Variants in CASC3 observed in about 807,000 individuals in gnomAD.
CASC3 encodes CASC3 exon junction complex subunit.
In CASC3, 30 loss-of-function variants were observed where a neutral mutation model predicts 80.5. The ratio of observed to expected loss-of-function variants is 0.37; its 90% CI spans 0.28 to 0.51. The LOEUF is 0.51. Among genes scored for constraint, CASC3 ranks in the 20% least tolerant of loss-of-function variants. CASC3 has a pLI of 0.94. For missense variants in CASC3, 824 were observed against 922.2 expected, an observed-to-expected ratio of 0.89 and a Z score of 1.38; for synonymous variants, 312 against 333.6, an observed-to-expected ratio of 0.94 and a Z score of 0.70.
chr17:40,162,073 G>A lies in CASC3; in HGVS notation c.528G>A (p.Arg176=). The change falls in exon 5 of 14, where the codon CGG becomes CGA. Residue 176 remains arginine, a synonymous_variant. Coordinates refer to ENST00000264645, the MANE Select transcript of CASC3 (RefSeq NM_007359.5). The part of the protein sequence containing the change: ...GPKHLDDDED[R]KNPAYIPRKG... Reference sequence around the variant, plus strand: ...AGCATTTGGATGATGATGAAGATCGGAAGAATCCAGCATACATACCTCGGA... The same window carrying A: ...AGCATTTGGATGATGATGAAGATCGAAAGAATCCAGCATACATACCTCGGA... 6.2e-7 allele frequency: 1 copy of A among 1,614,134 alleles called. No homozygotes were observed.
chr17:40,141,711 T>C (rs1255153154), intron 3 of CASC3, 104 bp downstream of exon 3: 12 of 850,642 alleles, frequency 1.4e-5, no homozygotes, highest in Middle Eastern at 4.4e-4. Context: ...GTTTATCCTC[T>C]TGTGTATTCT....
At position 40,164,750 on chromosome 17, in the gene CASC3, C is replaced by T. The variant is rs185577176; in HGVS notation, c.1471+584C>T. ...GTGAGCCACAGCCACCGTGCCTGGCCTTTTTTTTTTTTTTTTTTTTTTTGT... is the reference window on the plus strand; with the variant it reads ...GTGAGCCACAGCCACCGTGCCTGGCTTTTTTTTTTTTTTTTTTTTTTTTGT... On this transcript the variant is annotated intron_variant, in intron 7 of 13. Coordinates refer to ENST00000264645, the MANE Select transcript of CASC3 (RefSeq NM_007359.5). 6.8e-3 allele frequency among the ~76,000 whole-genome samples: 504 copies of T among 74,456 alleles called. 11 individuals carry two copies. Among genetic ancestry groups the T allele is most frequent in the African/African-American group, 0.033 (481 of 14,742 alleles). The allele number at this position is 74,456 out of a possible 152,430, so 48.8% of individuals were successfully genotyped here. A position where few individuals can be genotyped will look rare whatever the true frequency, so the allele number is the denominator to read the frequency against.
chr17:40,167,670 A>T (rs1451407768), intron 9 of CASC3, 58 bp downstream of exon 9: 7 of 1,400,210 alleles, frequency 5.0e-6, no homozygotes, highest in Non-Finnish European at 1.0e-6. Flanking sequence ...GAAGTAAGAT[A>T]CCAGGCTCCT....
At position 40,170,559 on chromosome 17, in the gene CASC3, C is replaced by G; in HGVS notation, c.*154C>G. The G allele has an allele frequency of 2.0e-6, 2 of 985,554 alleles. No individual in the cohort carries two copies. The highest frequency in any genetic ancestry group is 2.4e-6 in the Non-Finnish European group (2 of 829,958). 61.1% of individuals were successfully genotyped at this position (985,554 alleles called of 1,614,324 possible). ...AGCAAACAGCTGAAAGAGGAGGACC[C>G]CTGCCTTCCTCTGAGGACAGGCTCT... On this transcript the variant is annotated 3_prime_UTR_variant, in exon 14 of 14. Coordinates refer to ENST00000264645, the MANE Select transcript of CASC3 (RefSeq NM_007359.5).
chr17:40,164,103 A>T lies in CASC3; in HGVS notation c.1408A>T (p.Asn470Tyr), dbSNP rs1470281853. The T allele has an allele frequency of 1.9e-6, 3 of 1,613,622 alleles. No individual in the cohort carries two copies. Among genetic ancestry groups the T allele is most frequent in the Non-Finnish European group, 1.7e-6 (2 of 1,180,002 alleles). ...SGLEQDVAQL[N>Y]IAEQNWSPGQ... Reference sequence around the variant, plus strand: ...ACTTGAGCAAGATGTGGCACAACTAAATATAGCAGAACAGAATTGGAGTCC... The same window carrying T: ...ACTTGAGCAAGATGTGGCACAACTATATATAGCAGAACAGAATTGGAGTCC... Residue 470 changes from asparagine to tyrosine, a missense_variant, in exon 7 of 14, where the codon AAT becomes TAT. By Grantham distance (143) the Asn-to-Tyr change is moderately radical (BLOSUM62 -2). Coordinates refer to ENST00000264645, the MANE Select transcript of CASC3 (RefSeq NM_007359.5).
At position 40,144,679 on chromosome 17, in the gene CASC3, T is replaced by TA. The variant is rs1178943308; in HGVS notation, c.297+3072_297+3073insA. ...CCCTCTTTTTTTTTTTTTTTTTTTTTTAAAAAAGAGGCAGGGTCTCACTCT... is the reference window on the plus strand; with the variant it reads ...CCCTCTTTTTTTTTTTTTTTTTTTTTATAAAAAAGAGGCAGGGTCTCACTCT... On this transcript the variant is annotated intron_variant, in intron 3 of 13. Transcript: ENST00000264645. Among the ~76,000 whole-genome samples the TA allele has an allele frequency of 6.2e-5, 9 of 145,912 alleles. No individual in the cohort carries two copies. The East Asian group carries it at 1.4e-3, about 23-fold the overall frequency.
At chr17:40,167,990 G>A in intron 10 of CASC3, 42 bp downstream of exon 10, 1 of 1,570,626 alleles carries the variant, frequency 6.4e-7, no homozygotes, top group African/African-American at 1.3e-5. Flanking sequence ...AGTACCTGAG[G>A]ATATATGTTG....
intron 3 of CASC3, among the ~76,000 whole-genome samples, chr17:40,152,128 G>T (rs1361057401): frequency 6.6e-6 from 1 of 152,084 alleles, no homozygotes; most frequent in Non-Finnish European, 1.5e-5. Context: ...TTTACAATAT[G>T]TTATTTATTT....
intron 3 of CASC3, among the ~76,000 whole-genome samples, chr17:40,161,264 A>T (rs1989290609): frequency 6.6e-6 from 1 of 152,188 alleles, no homozygotes; most frequent in East Asian, 1.9e-4. Context: ...GGCGTGAGCC[A>T]CTGTGCCAGG....
intron 3 of CASC3, among the ~76,000 whole-genome samples, chr17:40,148,913 T>C (rs940470227): frequency 2.6e-5 from 4 of 152,220 alleles, no homozygotes; most frequent in African/African-American, 9.6e-5. Flanking sequence ...TCTTTTTTAT[T>C]TTTTGAGACA....
rs548654217 is a variant in CASC3, at chr17:40,154,105, GT to G, written c.298-7627del. Among the ~76,000 whole-genome samples, 637 of 76,760 alleles carry G rather than the reference GT, an allele frequency of 8.3e-3. 6 individuals carry two copies. The highest frequency in any genetic ancestry group is 0.028 in the African/African-American group (515 of 18,470). 50.4% of individuals were successfully genotyped at this position (76,760 alleles called of 152,430 possible). A position where few individuals can be genotyped will look rare whatever the true frequency, so the allele number is the denominator to read the frequency against. ...TCCCTGATGACTAATGATGCTGAGC[GT>G]TTTTTTTTTTTTTTTTTTTTGGTGC... On this transcript the variant is annotated intron_variant, in intron 3 of 13. Coordinates refer to ENST00000264645, the MANE Select transcript of CASC3 (RefSeq NM_007359.5).
At chr17:40,149,354 C>A (rs578138013) in intron 3 of CASC3, among the ~76,000 whole-genome samples, 50 of 146,874 alleles carry the variant, frequency 3.4e-4, no homozygotes, top group African/African-American at 8.8e-4. Flanking sequence ...CTTGAACTTA[C>A]AATCCTCATC....
At chr17:40,148,136 A>G (rs1035093064) in intron 3 of CASC3, among the ~76,000 whole-genome samples, 7 of 152,030 alleles carry the variant, frequency 4.6e-5, no homozygotes, top group African/African-American at 7.2e-5. Flanking sequence ...GCTTTTTCTA[A>G]CTTCACAGAG....
At chr17:40,153,388 A>G (rs1432667503) in intron 3 of CASC3, among the ~76,000 whole-genome samples, 1 of 152,176 alleles carries the variant, frequency 6.6e-6, no homozygotes, top group Non-Finnish European at 1.5e-5. Flanking sequence ...CATTCACCCA[A>G]CAACAGACAC....
intron 9 of CASC3, 58 bp from the exon 10 acceptor site, chr17:40,167,792 G>A: frequency 6.8e-7 from 1 of 1,471,432 alleles, no homozygotes; most frequent in Non-Finnish European, 9.5e-7. Flanking sequence ...GGGGAACAAG[G>A]AGACTTGTCC....
intron 3 of CASC3, among the ~76,000 whole-genome samples, chr17:40,143,500 T>C (rs889198847): frequency 6.6e-6 from 1 of 151,980 alleles, no homozygotes; most frequent in African/African-American, 2.4e-5. Context: ...ATTTGCAACA[T>C]GGTGACTACA....
At position 40,166,166 on chromosome 17, in the gene CASC3, C is replaced by T. The variant is rs188660672; in HGVS notation, c.1472-631C>T. On this transcript the variant is annotated intron_variant, in intron 7 of 13. Coordinates refer to ENST00000264645, the MANE Select transcript of CASC3 (RefSeq NM_007359.5). ...TTAGAGAGTAAGACCTACCTATTAC[C>T]CATTTTGCCTATTGTGGTTTGTTTT... Among the ~76,000 whole-genome samples the T allele has an allele frequency of 2.0e-5, 3 of 152,232 alleles. No individual in the cohort carries two copies. The East Asian group carries it at 5.8e-4, about 29-fold the overall frequency.
At chr17:40,162,348 C>G (rs1259532358) in intron 5 of CASC3, among the ~76,000 whole-genome samples, 195 bp downstream of exon 5, 1 of 152,090 alleles carries the variant, frequency 6.6e-6, no homozygotes, top group Non-Finnish European at 1.5e-5. Context: ...AGACCTAGGA[C>G]AGTTTGTTTC....
rs1429770712 is a variant in CASC3, at chr17:40,161,800, G to C, written c.345G>C (p.Leu115=). 1 of 1,614,176 alleles carries C rather than the reference G, an allele frequency of 6.2e-7. No homozygotes were observed. Among genetic ancestry groups the C allele is most frequent in the Non-Finnish European group, 8.5e-7 (1 of 1,180,014 alleles). The change falls in exon 4 of 14, where the codon CTG becomes CTC. Residue 115 remains leucine, a synonymous_variant. Coordinates refer to ENST00000264645, the MANE Select transcript of CASC3 (RefSeq NM_007359.5). Reference sequence around the variant, plus strand: ...AAGAGGAAAACTCCAAAGTGGAGCTGAAATCAGAAGCTAATGATGCTGTTA... The same window carrying C: ...AAGAGGAAAACTCCAAAGTGGAGCTCAAATCAGAAGCTAATGATGCTGTTA... ...YSEEENSKVE[L]KSEANDAVNS...
Sources: allele counts gnomAD v4.1 joint callset (sites outside exome capture counted in the v4.1 genomes callset), GRCh38; gene constraint gnomAD v4.1.1; transcripts MANE v1.5; gene names NCBI Gene and HGNC (gene_info 2026-07-23, HGNC 2026-07-21).